The following SCOC variants were observed in gnomAD, a reference collection of about 807,000 sequenced individuals.
The protein encoded by SCOC is short coiled-coil protein.
SCOC carries 7 observed loss-of-function variants against 9.9 expected under a neutral mutation model. That is an observed-to-expected ratio of 0.71 (90% CI 0.40 to 1.33). The LOEUF is 1.33. SCOC is among the 40% of genes most tolerant of loss of function. The pLI, the probability that SCOC is intolerant of heterozygous loss-of-function variation, is 0.01. For synonymous variants in SCOC, 19 were observed against 28.2 expected, an observed-to-expected ratio of 0.67 and a Z score of 1.03; for missense variants, 66 against 89.7, an observed-to-expected ratio of 0.74 and a Z score of 1.07.
intron 3 of SCOC, among the ~76,000 whole-genome samples, chr4:140,380,348 C>G (rs1234451600): frequency 1.3e-5 from 2 of 151,876 alleles, no homozygotes; most frequent in Non-Finnish European, 2.9e-5. Flanking sequence ...CAGGCACCTG[C>G]TACCATGCCT....
At chr4:140,326,391 G>C (rs1156371375) in intron 1 of SCOC, among the ~76,000 whole-genome samples, 1 of 151,932 alleles carries the variant, frequency 6.6e-6, no homozygotes, top group African/African-American at 2.4e-5. Context: ...AGGCAACACA[G>C]AAAAAAGTTA....
upstream of SCOC, among the ~76,000 whole-genome samples, chr4:140,340,808 T>TTTTC (rs140552446): frequency 0.032 from 3,568 of 111,752 alleles, 508 homozygotes; most frequent in African/African-American, 0.095. Context: ...TTTTTTTTTT[T>TTTTC]AGAGGGATAG....
intron 1 of SCOC, among the ~76,000 whole-genome samples, chr4:140,333,474 T>C (rs1051112830): frequency 6.6e-6 from 1 of 152,222 alleles, no homozygotes; most frequent in African/African-American, 2.4e-5. Flanking sequence ...ATGTAAACTC[T>C]GTGATTAGAA....
intron 2 of SCOC, among the ~76,000 whole-genome samples, chr4:140,357,301 G>C (rs1356175863): frequency 6.6e-6 from 1 of 152,112 alleles, no homozygotes; most frequent in Non-Finnish European, 1.5e-5. Context: ...TGGTAATCAG[G>C]TGTACAGAGA....
rs919804208 is a variant in SCOC, at chr4:140,383,246, T to G, written c.*2142T>G. Reference sequence around the variant, plus strand: ...GCTCTTCTTGTGCTACCAAGTATCTTCCCTTACACAGAAAGTAATCCCTCT... The same window carrying G: ...GCTCTTCTTGTGCTACCAAGTATCTGCCCTTACACAGAAAGTAATCCCTCT... On this transcript the variant is annotated 3_prime_UTR_variant, in exon 4 of 4. Transcript: ENST00000608372. 6.6e-6 allele frequency: 1 copy of G among 152,212 alleles called. No homozygotes were observed. The highest frequency in any genetic ancestry group is 2.4e-5 in the African/African-American group (1 of 41,458). The allele number at this position is 152,212 out of a possible 1,614,324, so 9.4% of individuals were successfully genotyped here. A position where few individuals can be genotyped will look rare whatever the true frequency, so the allele number is the denominator to read the frequency against.
At chr4:140,373,450 C>T (rs1375513426), upstream of SCOC, 5 of 1,529,946 alleles carry the variant, frequency 3.3e-6, no homozygotes, top group Non-Finnish European at 4.4e-6. Flanking sequence ...CGACCTCAAT[C>T]CTGATTGGAT....
In SCOC at chr4:140,323,716, A is replaced by G. The variant is rs114452973; in HGVS notation, c.-18-19905A>G. On this transcript the variant is annotated intron_variant, in intron 1 of 4. Coordinates refer to the SCOC transcript ENST00000394205. ...ACCTAACCTGAATACTCCAATATTT[A>G]TTAAGAAATTGAAACTATAGTTTTG... Among the ~76,000 whole-genome samples, 1,179 of 152,328 alleles carry G rather than the reference A, an allele frequency of 7.7e-3. 14 individuals carry two copies. The highest frequency in any genetic ancestry group is 0.024 in the African/African-American group (1,009 of 41,598).
chr4:140,368,636 T>G (rs1727905212), intron 2 of SCOC, among the ~76,000 whole-genome samples: 1 of 152,188 alleles, frequency 6.6e-6, no homozygotes, highest in Non-Finnish European at 1.5e-5. Context: ...AGGATGACTT[T>G]GAGAGCTTCA....
chr4:140,269,908 C>T (rs1165580586), intron 1 of SCOC, among the ~76,000 whole-genome samples: 4 of 152,096 alleles, frequency 2.6e-5, no homozygotes, highest in Non-Finnish European at 5.9e-5. Context: ...ATAACCACAA[C>T]ACCTGGCTAA....
chr4:140,337,578 A>G (rs1223036932), intron 1 of SCOC, among the ~76,000 whole-genome samples: 4 of 152,188 alleles, frequency 2.6e-5, no homozygotes, highest in Non-Finnish European at 5.9e-5. Context: ...AAATGTAGAG[A>G]CAAGAATCAA....
intron 1 of SCOC, among the ~76,000 whole-genome samples, chr4:140,271,997 C>T (rs1274654741): frequency 2.0e-5 from 3 of 151,780 alleles, no homozygotes; most frequent in South Asian, 2.1e-4. Flanking sequence ...GGTCGACCCT[C>T]CTATGGCTTA....
chr4:140,287,139 G>A lies in SCOC; in HGVS notation c.-19+29729G>A, dbSNP rs567107787. ...CACACATGCTACACACACATCATGT[G>A]CACATGCCACACAGACCATGTACAT... On this transcript the variant is annotated intron_variant, in intron 1 of 4. Transcript: ENST00000394205. Among the ~76,000 whole-genome samples, 10 of 150,198 alleles carry A rather than the reference G, an allele frequency of 6.7e-5. No homozygotes were observed. The East Asian group carries it at 1.8e-3, about 27-fold the overall frequency.
chr4:140,318,466 A>G (rs572193582), intron 1 of SCOC, among the ~76,000 whole-genome samples: 1 of 101,668 alleles, frequency 9.8e-6, no homozygotes, highest in Non-Finnish European at 1.8e-5. Context: ...GCAGCCAAAA[A>G]ACACATGAAA....
intron 2 of SCOC, among the ~76,000 whole-genome samples, chr4:140,360,495 C>G (rs1727418294): frequency 6.6e-6 from 1 of 152,142 alleles, no homozygotes; most frequent in African/African-American, 2.4e-5. Flanking sequence ...ACCACCGGAA[C>G]AGTAAGGAAA....
At position 140,384,785 on chromosome 4, in the gene SCOC, G is replaced by A. The variant is rs1728656033; in HGVS notation, c.*3681G>A. 6.6e-6 allele frequency: 1 copy of A among 152,122 alleles called. No individual in the cohort carries two copies. Among genetic ancestry groups the A allele is most frequent in the Non-Finnish European group, 1.5e-5 (1 of 68,028 alleles). The allele number at this position is 152,122 out of a possible 1,614,324, so 9.4% of individuals were successfully genotyped here. On this transcript the variant is annotated 3_prime_UTR_variant, in exon 4 of 4. Transcript: ENST00000608372. ...GAAAAATCAGCATACTCCTTGTTAT[G>A]GACTGAATGTGTCCTCCCAAAATTC...
At chr4:140,366,637 T>G (rs1000412380) in intron 2 of SCOC, 5 of 1,605,240 alleles carry the variant, frequency 3.1e-6, no homozygotes, top group Non-Finnish European at 4.3e-6. Context: ...CTGCCAGGCT[T>G]GTCTGACATA....
intron 1 of SCOC, among the ~76,000 whole-genome samples, chr4:140,271,280 G>T (rs1730839896): frequency 1.3e-5 from 2 of 152,170 alleles, no homozygotes; most frequent in African/African-American, 2.4e-5. Context: ...TGGGGAGAAA[G>T]AACATTCTGA....
chr4:140,344,491 G>A (rs560099684), intron 2 of SCOC, among the ~76,000 whole-genome samples: 91 of 152,268 alleles, frequency 6.0e-4, no homozygotes, highest in African/African-American at 2.0e-3. Context: ...ATACAGCCAC[G>A]CTTCTCCACT....
chr4:140,343,286 C>G (rs1037880147), upstream of SCOC, among the ~76,000 whole-genome samples: 1 of 152,168 alleles, frequency 6.6e-6, no homozygotes, highest in African/African-American at 2.4e-5. Flanking sequence ...AATTTCTTCC[C>G]CCAACCTTAT....
Sources: allele counts gnomAD v4.1 joint callset (sites outside exome capture counted in the v4.1 genomes callset), GRCh38; gene constraint gnomAD v4.1.1; transcripts MANE v1.5; gene names NCBI Gene and HGNC (gene_info 2026-07-23, HGNC 2026-07-21).